Variants in COG4 observed in about 807,000 individuals in gnomAD.
COG4 encodes the protein component of oligomeric golgi complex 4.
COG4 carries 65 observed loss-of-function variants against 95.1 expected under a neutral mutation model. The observed-to-expected ratio is 0.68, with a 90% CI of 0.56 to 0.84. COG4 has a LOEUF of 0.84. COG4 is among the 40% of genes least tolerant of loss of function. The pLI, the probability that COG4 is intolerant of heterozygous loss-of-function variation, is 0.00. For missense variants in COG4, 1,045 were observed against 989.1 expected (o/e 1.06, Z -0.76); for synonymous variants, 421 against 374.8 (o/e 1.12, Z -1.42).
intron 8 of COG4, among the ~76,000 whole-genome samples, chr16:70,505,748 G>A (rs997268811): frequency 6.6e-6 from 1 of 151,788 alleles, no homozygotes; most frequent in African/African-American, 2.4e-5. Flanking sequence ...AGAATGGCGT[G>A]AACCCGGGAG....
intron 4 of COG4, among the ~76,000 whole-genome samples, chr16:70,512,650 CAAG>C (rs2049733253): frequency 1.3e-5 from 2 of 152,254 alleles, no homozygotes; most frequent in South Asian, 4.2e-4. Context: ...GTGCACAAAT[CAAG>C]ATGATGAAAT....
At chr16:70,519,764 T>C (rs2049896873) in intron 1 of COG4, 33 bp from the exon 2 acceptor site, 2 of 1,495,132 alleles carry the variant, frequency 1.3e-6, no homozygotes, top group Non-Finnish European at 1.9e-6. Context: ...GTCAGCAGAA[T>C]GATCAGAAGG....
At chr16:70,497,037 G>T (rs1484314570) in intron 11 of COG4, among the ~76,000 whole-genome samples, 184 bp downstream of exon 11, 1 of 152,084 alleles carries the variant, frequency 6.6e-6, no homozygotes, top group Non-Finnish European at 1.5e-5. Context: ...CAGAAATTTG[G>T]CCCATGAGAT....
At position 70,481,395 on chromosome 16, in the gene COG4, C is replaced by G; in HGVS notation, c.2199G>C (p.Arg733=). 1 of 1,613,316 alleles carries G rather than the reference C, an allele frequency of 6.2e-7. No homozygotes were observed. Among genetic ancestry groups the G allele is most frequent in the Non-Finnish European group, 8.5e-7 (1 of 1,179,980 alleles). Residue 733 remains arginine, a synonymous_variant, in exon 18 of 19, where the codon CGG becomes CGC. Coordinates refer to ENST00000323786, the MANE Select transcript of COG4 (RefSeq NM_015386.3). ...TTWTIRDKFA[R]LSQMATILNL... ...TGAGGATGGTGGCCATCTGGGAGAG[C>G]CGGGCAAACTTGTCTCGGATGGTCC...
intron 8 of COG4, among the ~76,000 whole-genome samples, chr16:70,502,870 A>T (rs890260387): frequency 1.3e-5 from 2 of 152,244 alleles, no homozygotes; most frequent in African/African-American, 4.8e-5. Flanking sequence ...CTGTGAGTCC[A>T]GATGGTTGAC....
Position 70,497,986 on chromosome 16 carries a change from C to T in COG4, c.1265G>A (p.Gly422Asp). ...LLSCTMQELIGLYVTMEEYFM... is the reference protein window; with the variant it reads ...LLSCTMQELIDLYVTMEEYFM... ...GTACTCCTCCATGGTAACATATAAG[C>T]CAATTAGCTCCTGCATGGTACAGCT... Residue 422 changes from glycine to aspartate, a missense_variant, in exon 10 of 19, where the codon GGC becomes GAC. Physicochemically the swap from Gly to Asp is moderately conservative, Grantham distance 94. Coordinates refer to ENST00000323786, the MANE Select transcript of COG4 (RefSeq NM_015386.3). 6.2e-7 allele frequency: 1 copy of T among 1,613,550 alleles called. No individual in the cohort carries two copies. Among genetic ancestry groups the T allele is most frequent in the Non-Finnish European group, 8.5e-7 (1 of 1,179,476 alleles).
Position 70,514,563 on chromosome 16 carries a change from C to G in COG4, c.370-54G>C. On this transcript the variant is annotated intron_variant, in intron 3 of 18. Transcript: ENST00000323786. ...ATGTCCTATTCTTTCAAAAACACCC[C>G]TCAAGAAGGTAGGGAGATTCAGGAG... is the stretch of plus-strand genomic sequence containing the variant. 2.6e-6 allele frequency: 4 copies of G among 1,516,970 alleles called. No individual in the cohort carries two copies. In the South Asian group the frequency reaches 4.5e-5, roughly 17 times the overall value. 94.0% of individuals were successfully genotyped at this position (1,516,970 alleles called of 1,614,324 possible).
chr16:70,500,444 A>G (rs1369705586), intron 9 of COG4, among the ~76,000 whole-genome samples: 2 of 131,050 alleles, frequency 1.5e-5, no homozygotes. Context: ...TCTTGGCCCT[A>G]TGCCCCCCAG....
At chr16:70,517,823 C>T in intron 2 of COG4, 83 bp from the exon 3 acceptor site, 2 of 829,844 alleles carry the variant, frequency 2.4e-6, no homozygotes, top group South Asian at 1.4e-5. Flanking sequence ...GACACTATGT[C>T]TTCTACTTCT....
intron 1 of COG4, among the ~76,000 whole-genome samples, chr16:70,522,752 GAACTGAAAGGAA>G (rs2049976516): frequency 6.6e-6 from 1 of 152,182 alleles, no homozygotes; most frequent in African/African-American, 2.4e-5. Flanking sequence ...AGAACGTTAT[GAACTGAAAGGAA>G]TTGGAGAATA....
intron 8 of COG4, among the ~76,000 whole-genome samples, chr16:70,504,357 A>G (rs1219995423): frequency 6.6e-6 from 1 of 152,160 alleles, no homozygotes; most frequent in Non-Finnish European, 1.5e-5. Flanking sequence ...CTGTAATCCC[A>G]CTACTTTGGG....
At chr16:70,518,592 G>T (rs1283953415) in intron 2 of COG4, among the ~76,000 whole-genome samples, 1 of 151,516 alleles carries the variant, frequency 6.6e-6, no homozygotes, top group African/African-American at 2.4e-5. Flanking sequence ...CTCTAGATGA[G>T]GCCTCCCACA....
intron 7 of COG4, 137 bp from the exon 8 acceptor site, chr16:70,508,601 AGCAGTGG>A (rs1447455368): frequency 1.3e-6 from 1 of 772,828 alleles, no homozygotes; most frequent in Non-Finnish European, 2.3e-6. Context: ...CCTTCAAGCC[AGCAGTGG>A]GCTTTCAGGA....
intron 1 of COG4, among the ~76,000 whole-genome samples, chr16:70,520,388 GGC>G (rs2049915223): frequency 4.0e-5 from 2 of 50,008 alleles, no homozygotes; most frequent in Non-Finnish European, 8.8e-5. Flanking sequence ...GGGGGGGGGG[GGC>G]GGAGCTTGCA....
chr16:70,502,601 T>TAAA (rs59126839), intron 8 of COG4, among the ~76,000 whole-genome samples: 16,872 of 140,666 alleles, frequency 0.12, 3,251 homozygotes, highest in African/African-American at 0.41. Flanking sequence ...AACTCCGTCT[T>TAAA]AAAAAAAAAA....
intron 5 of COG4, among the ~76,000 whole-genome samples, chr16:70,510,817 G>C (rs796160641): frequency 9.3e-5 from 14 of 150,444 alleles, no homozygotes; most frequent in African/African-American, 3.4e-4. Flanking sequence ...AGGCTGGAGT[G>C]CAGTGGCACA....
intron 7 of COG4, 42 bp from the exon 8 acceptor site, chr16:70,508,506 C>G: frequency 6.4e-7 from 1 of 1,556,348 alleles, no homozygotes; most frequent in Non-Finnish European, 8.9e-7. Flanking sequence ...TCCCCACCCC[C>G]ACATCTATTG....
Position 70,482,079 on chromosome 16 carries a change from G to T in COG4, c.2004+13C>A. On this transcript the variant is annotated intron_variant, in intron 16 of 18. Coordinates refer to ENST00000323786, the MANE Select transcript of COG4 (RefSeq NM_015386.3). The stretch of plus-strand genomic sequence containing the variant: ...GGTAATTCCCTAAGTGGATCCCTAG[G>T]GCCCCTGCTCACCTTGAACTCTGCC... 2 of 1,607,644 alleles carry T rather than the reference G, an allele frequency of 1.2e-6. No homozygotes were observed. Among genetic ancestry groups the T allele is most frequent in the Middle Eastern group, 1.7e-4 (1 of 6,050 alleles).
At chr16:70,486,618 A>G (rs898266895) in intron 13 of COG4, among the ~76,000 whole-genome samples, 1 of 152,214 alleles carries the variant, frequency 6.6e-6, no homozygotes, top group Non-Finnish European at 1.5e-5. Context: ...TGAATTTCTA[A>G]TATTTCCCCA....
Sources: gnomAD v4.1 joint callset for allele counts (sites outside exome capture counted in the v4.1 genomes callset) on GRCh38, gnomAD v4.1.1 for gene constraint, MANE v1.5 for transcripts, NCBI Gene and HGNC (gene_info 2026-07-23, HGNC 2026-07-21) for gene names.